The following RAP1GAP variants were observed in gnomAD, a reference collection of about 807,000 sequenced individuals.
RAP1GAP encodes RAP1 GTPase activating protein.
Under a neutral mutation model 87.2 loss-of-function variants are expected in RAP1GAP, and 35 were observed. The ratio of observed to expected loss-of-function variants is 0.40; its 90% CI spans 0.31 to 0.53. RAP1GAP has a LOEUF of 0.53. Ranked by LOEUF, RAP1GAP falls within the 20% of genes least tolerant of loss-of-function variation. RAP1GAP has a pLI of 0.48. For missense variants in RAP1GAP, 734 were observed against 898.9 expected (o/e 0.82, Z 2.35); for synonymous variants, 375 against 363.9 (o/e 1.03, Z -0.35).
chr1:21,643,316 T>C (rs945163559), intron 2 of RAP1GAP, among the ~76,000 whole-genome samples: 1 of 151,958 alleles, frequency 6.6e-6, no homozygotes, highest in Non-Finnish European at 1.5e-5. Context: ...TCCTAGCACC[T>C]TGGGAGGCCG....
At chr1:21,605,484 G>A (rs932994514) in intron 18 of RAP1GAP, among the ~76,000 whole-genome samples, 13 of 152,150 alleles carry the variant, frequency 8.5e-5, no homozygotes, top group African/African-American at 3.1e-4. Context: ...TCACACAGCA[G>A]CCCAGGGCTG....
chr1:21,632,745 T>A lies in RAP1GAP; in HGVS notation c.-112-6348A>T, dbSNP rs2094000218. Among the ~76,000 whole-genome samples the A allele has an allele frequency of 2.1e-5, 3 of 145,576 alleles. No homozygotes were observed. The South Asian group carries it at 7.0e-4, about 34-fold the overall frequency. On this transcript the variant is annotated intron_variant, in intron 2 of 24. Transcript: ENST00000374765. ...TGAGCCCTCATCTTTACAAAAAAAT[T>A]AAAAACCCAGCCCACTGCAGTGGCT...
chr1:21,618,653 G>C (rs1394681102), intron 5 of RAP1GAP, among the ~76,000 whole-genome samples: 1 of 152,172 alleles, frequency 6.6e-6, no homozygotes, highest in East Asian at 1.9e-4. Flanking sequence ...TCCTGCAACT[G>C]CTGGTCATCA....
At chr1:21,610,546 C>G (rs554575712) in intron 13 of RAP1GAP, among the ~76,000 whole-genome samples, 1 of 152,216 alleles carries the variant, frequency 6.6e-6, no homozygotes, top group Admixed American at 6.5e-5. Flanking sequence ...CCAAAACCCA[C>G]TTGTACCTGG....
chr1:21,606,619 G>T (rs1228741116), intron 17 of RAP1GAP, among the ~76,000 whole-genome samples: 1 of 152,152 alleles, frequency 6.6e-6, no homozygotes, highest in South Asian at 2.1e-4. Flanking sequence ...TTTCATTCCT[G>T]TTAGGGCCTC....
At chr1:21,656,541 C>T (rs2096874766) in intron 1 of RAP1GAP, among the ~76,000 whole-genome samples, 1 of 151,710 alleles carries the variant, frequency 6.6e-6, no homozygotes, top group South Asian at 2.1e-4. Context: ...TGTGGCCTTT[C>T]TAGCCAAGCC....
rs144383584 is a variant in RAP1GAP, at chr1:21,645,078, C to G, written c.-113+4683G>C. ...CCCAAACCAAGCTCTCTGAGTATAG[C>G]GGCTAGGCCTGTCTCATTTTCTGCT... is the stretch of plus-strand genomic sequence containing the variant. On this transcript the variant is annotated intron_variant, in intron 2 of 24. Transcript: ENST00000374765. Among the ~76,000 whole-genome samples, 423 of 152,266 alleles carry G rather than the reference C, an allele frequency of 2.8e-3. 3 individuals are homozygous for G. The highest frequency in any genetic ancestry group is 9.6e-3 in the African/African-American group (397 of 41,542).
Position 21,613,215 on chromosome 1 carries a change from G to A in RAP1GAP, c.489C>T (p.Asp163=), listed in dbSNP as rs1195283796. 2.6e-6 allele frequency: 4 copies of A among 1,562,070 alleles called. No homozygotes were observed. The highest frequency in any genetic ancestry group is 1.7e-4 in the Middle Eastern group (1 of 5,976). ...VVQMAKLVCE[D]VNVDRFYPVL... ...CAGGATAGAACCGATCCACATTGACGTCTTCACACACCAACTGCAGGAGGA... is the reference window on the plus strand; with the variant it reads ...CAGGATAGAACCGATCCACATTGACATCTTCACACACCAACTGCAGGAGGA... Residue 163 remains aspartate (D), a synonymous_variant, in exon 10 of 25, where the codon GAC becomes GAT. Transcript: ENST00000374765. The surrounding 1 kb of genome is among the most constrained non-coding windows in gnomAD (Gnocchi z 4.7).
At chr1:21,598,101 C>T (rs748802352) in intron 22 of RAP1GAP, 37 bp from the exon 23 acceptor site, 73 of 1,352,286 alleles carry the variant, frequency 5.4e-5, no homozygotes, top group Non-Finnish European at 6.5e-5. Context: ...CCTCACTGGC[C>T]GCGGGGAGGC....
intron 1 of RAP1GAP, among the ~76,000 whole-genome samples, chr1:21,658,620 A>T (rs955741991): frequency 6.6e-6 from 1 of 152,076 alleles, no homozygotes; most frequent in African/African-American, 2.4e-5. Flanking sequence ...GGTGGTTCAC[A>T]CCTGTAATCC....
rs1646540533 is a variant in RAP1GAP at position 21,598,462 on chromosome 1, G to A, written c.1817C>T (p.Ser606Phe). 6.2e-7 allele frequency: 1 copy of A among 1,613,964 alleles called. No homozygotes were observed. ...SSSGTPHKRD[S>F]FIYSTWLEDS... ...CTCCAGCCACGTGCTATAGATGAAG[G>A]AGTCCCGCTTGTGGGGTGTTCCTGA... is the stretch of plus-strand genomic sequence containing the variant. The change falls in exon 22 of 25, where the codon TCC (serine) becomes TTC (phenylalanine). Residue 606 changes from serine to phenylalanine, a missense_variant. Ser to Phe is a radical substitution (Grantham distance 155). Around this residue, in one of 2 missense-constraint regions of RAP1GAP, gnomAD observed 249 missense variants for 252.7 expected, o/e 0.99. Coordinates refer to ENST00000374765, the MANE Select transcript of RAP1GAP (RefSeq NM_002885.4).
chr1:21,610,056 A>C (rs945210020), intron 14 of RAP1GAP, 64 bp downstream of exon 14: 57 of 1,566,518 alleles, frequency 3.6e-5, no homozygotes, highest in Non-Finnish European at 4.7e-5. Context: ...GGGGCATCCC[A>C]GGGAGGGCAG....
intron 2 of RAP1GAP, among the ~76,000 whole-genome samples, chr1:21,631,414 G>A (rs1055825497): frequency 1.3e-5 from 2 of 152,188 alleles, no homozygotes; most frequent in African/African-American, 4.8e-5. Flanking sequence ...GGCTGGGCAC[G>A]GTGGCTCACA....
chr1:21,652,362 A>G (rs2096644814), intron 1 of RAP1GAP, among the ~76,000 whole-genome samples: 1 of 152,176 alleles, frequency 6.6e-6, no homozygotes, highest in East Asian at 1.9e-4. Flanking sequence ...GAGTTCACGC[A>G]CGTAAAGCGC....
chr1:21,606,695 A>G (rs556439858), intron 17 of RAP1GAP, among the ~76,000 whole-genome samples: 1 of 152,054 alleles, frequency 6.6e-6, no homozygotes, highest in East Asian at 1.9e-4. Flanking sequence ...TTTCAGACCA[A>G]TCTACACCAA....
At chr1:21,652,451 C>T (rs549499980) in intron 1 of RAP1GAP, among the ~76,000 whole-genome samples, 1 of 152,168 alleles carries the variant, frequency 6.6e-6, no homozygotes, top group African/African-American at 2.4e-5. Context: ...GCGTTCTACC[C>T]TTCCCGCGAA....
rs901396895 is a variant in RAP1GAP, at chr1:21,609,431, C to G, written c.1071+144G>C. On this transcript the variant is annotated intron_variant, in intron 15 of 24. Transcript: ENST00000374765. This position sits in a 1 kb window ranked among gnomAD's most constrained non-coding sequence, Gnocchi z 4.4. ...GGTGTTTTCAAGATGAATGGAAAAG[C>G]CAGGCCCCGGTTGCAGTTAGGGGAG... 1 of 495,364 alleles carries G rather than the reference C, an allele frequency of 2.0e-6. No homozygotes were observed. The highest frequency in any genetic ancestry group is 3.1e-5 in the East Asian group (1 of 31,920). 30.7% of individuals were successfully genotyped at this position (495,364 alleles called of 1,614,324 possible).
chr1:21,608,993 A>G (rs1272281394), intron 15 of RAP1GAP, 57 bp from the exon 16 acceptor site: 3 of 1,451,020 alleles, frequency 2.1e-6, no homozygotes, highest in Non-Finnish European at 2.9e-6. Flanking sequence ...ACACATAAAC[A>G]AGGGTCGGAA....
chr1:21,634,824 C>G lies in RAP1GAP; in HGVS notation c.-112-8427G>C. ...GGCCTGAGCCCCACTGTGGCCAAAA[C>G]CTGACCCTTCCCACCCCACCGAGGA... On this transcript the variant is annotated intron_variant, in intron 2 of 24. Transcript: ENST00000374765. The surrounding 1 kb of genome is among the most constrained non-coding windows in gnomAD (Gnocchi z 4.1). 1 of 402,144 alleles carries G rather than the reference C, an allele frequency of 2.5e-6. No individual in the cohort carries two copies. Among genetic ancestry groups the G allele is most frequent in the Non-Finnish European group, 5.2e-6 (1 of 190,862 alleles). The allele number at this position is 402,144 out of a possible 1,614,324, so 24.9% of individuals were successfully genotyped here.
Sources: gnomAD v4.1 joint callset for allele counts (sites outside exome capture counted in the v4.1 genomes callset) on GRCh38, gnomAD v4.1.1 for gene constraint, gnomAD v4.1.1 regional missense constraint, Gnocchi (gnomAD v3.1) non-coding constraint, MANE v1.5 for transcripts, NCBI Gene and HGNC (gene_info 2026-07-23, HGNC 2026-07-21) for gene names.